The following DNM2 variants were observed in gnomAD, a reference collection of about 807,000 sequenced individuals.
DNM2 encodes dynamin 2.
DNM2 carries 15 observed loss-of-function variants against 99.0 expected under a neutral mutation model. The ratio of observed to expected loss-of-function variants is 0.15; its 90% CI spans 0.10 to 0.23. The LOEUF (loss-of-function observed/expected upper bound fraction) is 0.23, where lower values mean the gene tolerates loss of function less well. Ranked by LOEUF, DNM2 falls within the 10% of genes least tolerant of loss-of-function variation. DNM2 has a pLI of 1.00. For missense variants in DNM2, 742 were observed against 1,189.4 expected (o/e 0.62, Z 5.53); for synonymous variants, 525 against 481.2 (o/e 1.09, Z -1.19).
intron 1 of DNM2, among the ~76,000 whole-genome samples, chr19:10,729,187 AAAAT>A (rs2069220450): frequency 6.8e-6 from 1 of 147,734 alleles, no homozygotes; most frequent in African/African-American, 2.5e-5. Flanking sequence ...AAAAAAAAAA[AAAAT>A]ATAAAAAATT....
chr19:10,798,710 C>T (rs1265939751), intron 11 of DNM2, 138 bp downstream of exon 11: 1 of 790,652 alleles, frequency 1.3e-6, no homozygotes, highest in Non-Finnish European at 2.1e-6. Flanking sequence ...TCCGTCACCT[C>T]CTAAAATCCC....
chr19:10,739,740 C>T (rs1467974909), intron 1 of DNM2, among the ~76,000 whole-genome samples: 2 of 151,708 alleles, frequency 1.3e-5, no homozygotes, highest in Non-Finnish European at 2.9e-5. Flanking sequence ...CCTGTAATTC[C>T]AGCTACTCTG....
chr19:10,763,760 G>A (rs1361247209), intron 2 of DNM2: 2 of 153,634 alleles, frequency 1.3e-5, no homozygotes, highest in African/African-American at 4.8e-5. Flanking sequence ...TGGAAGGCAT[G>A]TTGAGGATTC....
intron 1 of DNM2, among the ~76,000 whole-genome samples, chr19:10,721,033 A>T (rs763583294): frequency 2.0e-5 from 3 of 151,416 alleles, no homozygotes; most frequent in Non-Finnish European, 2.9e-5. Flanking sequence ...TCCCATCCTT[A>T]CCTCTCCTCA....
intron 11 of DNM2, among the ~76,000 whole-genome samples, chr19:10,800,327 C>G (rs906250705): frequency 2.6e-5 from 4 of 152,238 alleles, no homozygotes; most frequent in African/African-American, 9.6e-5. Flanking sequence ...AGGGAGGCGC[C>G]CAGTTTTGAT....
Position 10,764,563 on chromosome 19 carries a change from G to A in DNM2, c.235+4752G>A, listed in dbSNP as rs978226879. 3.9e-5 allele frequency among the ~76,000 whole-genome samples: 6 copies of A among 152,206 alleles called. No individual in the cohort carries two copies. Among genetic ancestry groups the A allele is most frequent in the African/African-American group, 1.4e-4 (6 of 41,458 alleles). On this transcript the variant is annotated intron_variant, in intron 2 of 20. Coordinates refer to ENST00000389253, the MANE Select transcript of DNM2 (RefSeq NM_001005361.3). The surrounding 1 kb of genome is among the most constrained non-coding windows in gnomAD (Gnocchi z 4.1). ...TTCCTGTGTGGAATGTGCACAGTGA[G>A]GCCCTGTGAACCACCCCTCCCCACC... is the stretch of plus-strand genomic sequence containing the variant.
Position 10,793,822 on chromosome 19 carries a change from C to A in DNM2, c.1095C>A (p.Ile365=), listed in dbSNP as rs746959606. 30 of 1,614,074 alleles carry A rather than the reference C, an allele frequency of 1.9e-5. No individual in the cohort carries two copies. In the Admixed American group the frequency reaches 4.5e-4, roughly 24 times the overall value. ...CCGGGGGCGCCCGAATCAATCGCAT[C>A]TTCCACGAGCGGTTCCCATTTGAGC... ...ELSGGARINR[I]FHERFPFELV... Residue 365 remains isoleucine, a synonymous_variant, in exon 8 of 21, where the codon ATC becomes ATA. Coordinates refer to ENST00000389253, the MANE Select transcript of DNM2 (RefSeq NM_001005361.3).
At chr19:10,814,115 C>A (rs921197313) in intron 15 of DNM2, among the ~76,000 whole-genome samples, 1 of 151,948 alleles carries the variant, frequency 6.6e-6, no homozygotes, top group African/African-American at 2.4e-5. Flanking sequence ...TTGCAGGGAG[C>A]CGAGATGGTG....
chr19:10,789,570 C>T (rs1454909198), intron 7 of DNM2, among the ~76,000 whole-genome samples: 5 of 151,874 alleles, frequency 3.3e-5, no homozygotes, highest in Non-Finnish European at 7.4e-5. Flanking sequence ...CGATGGTTCA[C>T]GCCTGTATTC....
intron 16 of DNM2, among the ~76,000 whole-genome samples, chr19:10,821,201 C>G (rs1246896714): frequency 2.0e-5 from 3 of 152,088 alleles, no homozygotes; most frequent in Non-Finnish European, 4.4e-5. Flanking sequence ...ACCAGCTGGC[C>G]GTGAAAACCT....
At chr19:10,787,302 C>CAA (rs563551450) in intron 7 of DNM2, among the ~76,000 whole-genome samples, 1 of 147,708 alleles carries the variant, frequency 6.8e-6, no homozygotes, top group African/African-American at 2.5e-5. Flanking sequence ...CCATCACTAC[C>CAA]AAAAAAAAAA....
At chr19:10,754,101 C>T (rs957948792) in intron 1 of DNM2, among the ~76,000 whole-genome samples, 2 of 152,072 alleles carry the variant, frequency 1.3e-5, no homozygotes, top group Admixed American at 6.6e-5. Context: ...CTGAATTTTT[C>T]GTCTTATTGA....
intron 1 of DNM2, among the ~76,000 whole-genome samples, chr19:10,735,271 C>T (rs977090375): frequency 6.6e-6 from 1 of 152,082 alleles, no homozygotes; most frequent in African/African-American, 2.4e-5. Flanking sequence ...ATCTCCTGAC[C>T]TCATGATCTG....
Position 10,725,838 on chromosome 19 carries a change from C to T in DNM2, c.161+7435C>T, listed in dbSNP as rs567659708. Reference sequence around the variant, plus strand: ...GCGTAATCATGGCTCACTGCAGCCTCCAACTCCTGGGTTCAGGTGGTCCTC... The same window carrying T: ...GCGTAATCATGGCTCACTGCAGCCTTCAACTCCTGGGTTCAGGTGGTCCTC... On this transcript the variant is annotated intron_variant, in intron 1 of 20. Coordinates refer to ENST00000389253, the MANE Select transcript of DNM2 (RefSeq NM_001005361.3). Among the ~76,000 whole-genome samples, 19 of 152,194 alleles carry T rather than the reference C, an allele frequency of 1.2e-4. 1 individual carries two copies. The highest frequency in any genetic ancestry group is 4.1e-4 in the African/African-American group (17 of 41,522).
Position 10,732,099 on chromosome 19 carries a change from C to T in DNM2, c.161+13696C>T, listed in dbSNP as rs867459371. Among the ~76,000 whole-genome samples the T allele has an allele frequency of 2.5e-4, 38 of 151,378 alleles. No individual in the cohort carries two copies. In the Middle Eastern group the frequency reaches 0.014, roughly 54 times the overall value. Reference sequence around the variant, plus strand: ...CCTCCCGAGTAGCTGTGATTACAGGCGTGCACCATCACACCCGGCTAATTT... The same window carrying T: ...CCTCCCGAGTAGCTGTGATTACAGGTGTGCACCATCACACCCGGCTAATTT... On this transcript the variant is annotated intron_variant, in intron 1 of 20. Transcript: ENST00000389253.
At chr19:10,743,201 C>T (rs79341633) in intron 1 of DNM2, among the ~76,000 whole-genome samples, 8,134 of 152,008 alleles carry the variant, frequency 0.054, 556 homozygotes, top group East Asian at 0.32. Flanking sequence ...CCACCACGCC[C>T]GGCCGTGATG....
At chr19:10,798,603 T>A (rs1203816282) in intron 11 of DNM2, 31 bp downstream of exon 11, 1 of 1,612,256 alleles carries the variant, frequency 6.2e-7, no homozygotes, top group Non-Finnish European at 8.5e-7. Flanking sequence ...TTATTGGGTA[T>A]AATTTACATG....
At chr19:10,807,600 G>C (rs1273626934) in intron 13 of DNM2, among the ~76,000 whole-genome samples, 1 of 140,472 alleles carries the variant, frequency 7.1e-6, no homozygotes, top group African/African-American at 2.7e-5. Context: ...CAAGGCTGGA[G>C]TGCAGTGGCG....
At chr19:10,773,541 C>T (rs925024643) in intron 3 of DNM2, among the ~76,000 whole-genome samples, 2 of 151,636 alleles carry the variant, frequency 1.3e-5, no homozygotes, top group Non-Finnish European at 2.9e-5. Context: ...CTTCACCTCC[C>T]GGGTTCAAGC....
Sources: gnomAD v4.1 joint callset for allele counts (sites outside exome capture counted in the v4.1 genomes callset) on GRCh38, gnomAD v4.1.1 for gene constraint, Gnocchi (gnomAD v3.1) non-coding constraint, MANE v1.5 for transcripts, NCBI Gene and HGNC (gene_info 2026-07-23, HGNC 2026-07-21) for gene names.